The following NPAS3 variants were observed in gnomAD, a reference collection of about 807,000 sequenced individuals.
NPAS3 encodes neuronal PAS domain protein 3.
NPAS3 carries 14 observed loss-of-function variants against 73.1 expected under a neutral mutation model. That is an observed-to-expected ratio of 0.19 (90% CI 0.13 to 0.30). NPAS3 has a LOEUF of 0.30. NPAS3 is among the 10% of genes least tolerant of loss of function. The probability of loss-of-function intolerance (pLI) is 1.00; values close to 1 mark genes in which losing one functional copy is unlikely to be tolerated. For missense variants in NPAS3, 1,096 were observed against 1,250.0 expected (o/e 0.88, Z 1.86); for synonymous variants, 620 against 541.5 (o/e 1.14, Z -2.01).
chr14:33,755,427 G>T (rs2062085503), intron 7 of NPAS3, among the ~76,000 whole-genome samples: 1 of 152,250 alleles, frequency 6.6e-6, no homozygotes, highest in Middle Eastern at 3.4e-3. Flanking sequence ...AGAGGGCAAA[G>T]GCAGAAGGTA....
intron 7 of NPAS3, among the ~76,000 whole-genome samples, chr14:33,757,678 G>A (rs2062157583): frequency 6.6e-6 from 1 of 152,186 alleles, no homozygotes; most frequent in African/African-American, 2.4e-5. Context: ...AGGTCTTAAT[G>A]ACTGACTGGA....
At chr14:33,536,814 A>G (rs2054280345) in intron 4 of NPAS3, among the ~76,000 whole-genome samples, 1 of 152,192 alleles carries the variant, frequency 6.6e-6, no homozygotes, top group African/African-American at 2.4e-5. Context: ...TATATAACGG[A>G]TTACAATTCC....
chr14:32,957,661 C>G (rs950256342), intron 1 of NPAS3, among the ~76,000 whole-genome samples: 1 of 152,250 alleles, frequency 6.6e-6, no homozygotes, highest in South Asian at 2.1e-4. Context: ...CTTGAGCCAC[C>G]GCACCCGGCC....
rs191712230 is a variant in NPAS3 at position 33,482,279 on chromosome 14, C to A, written c.469-77842C>A. Among the ~76,000 whole-genome samples, 4 of 152,098 alleles carry A rather than the reference C, an allele frequency of 2.6e-5. No individual in the cohort carries two copies. The South Asian group carries it at 8.3e-4, about 32-fold the overall frequency. On this transcript the variant is annotated intron_variant, in intron 4 of 11. Transcript: ENST00000356141. ...ATGTTTTAAGATAGATGTTCACATT[C>A]GAACCTTTAGATAAGTAAATGGCCC...
At chr14:33,412,212 A>G (rs1846809) in intron 4 of NPAS3, among the ~76,000 whole-genome samples, 83,898 of 151,968 alleles carry the variant, frequency 0.55, 24,210 homozygotes, top group African/African-American at 0.72. Flanking sequence ...TCCACCTCCC[A>G]GGCTCAAGCA....
intron 3 of NPAS3, among the ~76,000 whole-genome samples, chr14:33,319,465 A>G (rs955831358): frequency 6.6e-6 from 1 of 152,144 alleles, no homozygotes; most frequent in African/African-American, 2.4e-5. Flanking sequence ...CGAGTAAGAG[A>G]CAGCCCCTGC....
chr14:33,095,769 C>T (rs2042396906), intron 2 of NPAS3, among the ~76,000 whole-genome samples: 1 of 149,538 alleles, frequency 6.7e-6, no homozygotes, highest in Non-Finnish European at 1.5e-5. Flanking sequence ...CCCGGGTTCA[C>T]GCCATTCTCC....
chr14:33,011,116 A>G (rs2039180363), intron 1 of NPAS3, among the ~76,000 whole-genome samples: 1 of 152,198 alleles, frequency 6.6e-6, no homozygotes, highest in Non-Finnish European at 1.5e-5. Context: ...TGTAAGAGGC[A>G]CTTTCAACCA....
intron 2 of NPAS3, among the ~76,000 whole-genome samples, chr14:33,056,241 G>A (rs185418496): frequency 3.8e-4 from 57 of 151,930 alleles, no homozygotes; most frequent in Non-Finnish European, 5.6e-4. Flanking sequence ...TTTTTTTAAC[G>A]ACTGTATTAA....
At chr14:33,158,606 A>T (rs2044734255) in intron 2 of NPAS3, among the ~76,000 whole-genome samples, 1 of 152,124 alleles carries the variant, frequency 6.6e-6, no homozygotes, top group Non-Finnish European at 1.5e-5. Flanking sequence ...CTGCAGAGAG[A>T]GGGTGTTCAT....
chr14:33,216,738 A>G (rs1440553455), intron 3 of NPAS3, among the ~76,000 whole-genome samples: 2 of 152,226 alleles, frequency 1.3e-5, no homozygotes, highest in South Asian at 2.1e-4. Context: ...CAGCAGCCAC[A>G]ACATTTGTCC....
At chr14:33,253,152 C>T (rs981030244) in intron 3 of NPAS3, among the ~76,000 whole-genome samples, 6 of 152,098 alleles carry the variant, frequency 3.9e-5, no homozygotes, top group East Asian at 3.9e-4. Context: ...GTGGAATTGC[C>T]GGGTCAAACG....
At chr14:33,129,740 G>A (rs889189954) in intron 2 of NPAS3, among the ~76,000 whole-genome samples, 1 of 152,084 alleles carries the variant, frequency 6.6e-6, no homozygotes, top group Non-Finnish European at 1.5e-5. Flanking sequence ...ATGTATAAAG[G>A]ATCCCATGTT....
chr14:33,049,227 G>T (rs1428292043), intron 1 of NPAS3, among the ~76,000 whole-genome samples: 1 of 152,204 alleles, frequency 6.6e-6, no homozygotes, highest in Non-Finnish European at 1.5e-5. Context: ...CCTTTATGTT[G>T]TTCCAGATAC....
chr14:33,136,726 G>A (rs76579883), intron 2 of NPAS3, among the ~76,000 whole-genome samples: 2,461 of 152,272 alleles, frequency 0.016, 65 homozygotes, highest in African/African-American at 0.055. Context: ...CTTGATGTGG[G>A]TACTTGAAAG....
intron 3 of NPAS3, among the ~76,000 whole-genome samples, chr14:33,278,539 A>G (rs1226249907): frequency 1.3e-5 from 2 of 151,602 alleles, no homozygotes; most frequent in South Asian, 4.2e-4. Flanking sequence ...CGATAAGGGG[A>G]AAAAAAAGAA....
intron 9 of NPAS3, among the ~76,000 whole-genome samples, chr14:33,786,508 C>A (rs2063178684): frequency 1.3e-5 from 2 of 152,202 alleles, no homozygotes; most frequent in Admixed American, 1.3e-4. Flanking sequence ...GTTTTCACTT[C>A]TGCCTATGCC....
At chr14:33,209,338 C>T (rs937553366) in intron 2 of NPAS3, among the ~76,000 whole-genome samples, 1 of 152,020 alleles carries the variant, frequency 6.6e-6, no homozygotes, top group African/African-American at 2.4e-5. Flanking sequence ...TGACTTTGAG[C>T]TCTATGTAAT....
intron 1 of NPAS3, among the ~76,000 whole-genome samples, chr14:32,964,799 A>G (rs527369513): frequency 7.0e-6 from 1 of 143,118 alleles, no homozygotes; most frequent in African/African-American, 2.5e-5. Flanking sequence ...ACATAGCAAG[A>G]CCCCTGTCTC....
Sources: allele counts gnomAD v4.1 joint callset (sites outside exome capture counted in the v4.1 genomes callset), GRCh38; gene constraint gnomAD v4.1.1; transcripts MANE v1.5; gene names NCBI Gene and HGNC (gene_info 2026-07-23, HGNC 2026-07-21).